Variants in MRPL22 observed in about 807,000 individuals in gnomAD.
MRPL22 encodes the protein large ribosomal subunit protein uL22m.
MRPL22 carries 27 observed loss-of-function variants against 32.4 expected under a neutral mutation model. That is an observed-to-expected ratio of 0.83 (90% CI 0.61 to 1.15). The LOEUF (loss-of-function observed/expected upper bound fraction) is 1.15. Among genes scored for constraint, MRPL22 ranks in the 50% most tolerant of loss-of-function variants. The pLI is 0.00. For synonymous variants in MRPL22, 86 were observed against 87.3 expected, an observed-to-expected ratio of 0.99 and a Z score of 0.08; for missense variants, 239 against 260.2, an observed-to-expected ratio of 0.92 and a Z score of 0.56.
intron 2 of MRPL22, among the ~76,000 whole-genome samples, chr5:154,947,704 A>C (rs1282803790): frequency 6.6e-6 from 1 of 152,190 alleles, no homozygotes. Flanking sequence ...CTTGCCCTTT[A>C]AATGCTCAAC....
In MRPL22 at chr5:154,950,846, A is replaced by G. The variant is rs769724531; in HGVS notation, c.103A>G (p.Thr35Ala). The change falls in exon 3 of 7, where the codon ACA (threonine) becomes GCA (alanine). Residue 35 changes from threonine (T) to alanine (A), a missense_variant. Thr to Ala is a moderately conservative substitution (Grantham distance 58). Transcript: ENST00000523037. Reference protein sequence around the residue: ...LGVLPQSYIHTSASLDISRKW... With the variant: ...LGVLPQSYIHASASLDISRKW... Reference sequence around the variant, plus strand: ...TGTTTTACCTCAATCATATATCCACACAAGTGCTTCTCTTGACATTTCTCG... The same window carrying G: ...TGTTTTACCTCAATCATATATCCACGCAAGTGCTTCTCTTGACATTTCTCG... The G allele has an allele frequency of 1.2e-6, 2 of 1,612,402 alleles. No individual in the cohort carries two copies. Among genetic ancestry groups the G allele is most frequent in the Non-Finnish European group, 1.7e-6 (2 of 1,178,588 alleles).
intron 6 of MRPL22, among the ~76,000 whole-genome samples, chr5:154,964,893 G>C (rs925165721): frequency 3.3e-5 from 5 of 152,168 alleles, no homozygotes; most frequent in African/African-American, 9.6e-5. Context: ...ATGCTTTTTA[G>C]AAGTTTTCTG....
intron 2 of MRPL22, among the ~76,000 whole-genome samples, chr5:154,941,521 A>T (rs950895324): frequency 6.6e-6 from 1 of 152,214 alleles, no homozygotes. Flanking sequence ...ATCTTTCTGG[A>T]CAAGGTTAGA....
chr5:154,961,351 A>C (rs1404834581), intron 6 of MRPL22, among the ~76,000 whole-genome samples: 3 of 152,216 alleles, frequency 2.0e-5, no homozygotes, highest in Admixed American at 2.0e-4. Flanking sequence ...AACCATTGGA[A>C]GGGATGAGGA....
chr5:154,957,460 G>C (rs1431514655), intron 5 of MRPL22, among the ~76,000 whole-genome samples: 1 of 152,052 alleles, frequency 6.6e-6, no homozygotes, highest in Non-Finnish European at 1.5e-5. Context: ...GTTTTTTACT[G>C]CTTATGATGT....
intron 2 of MRPL22, among the ~76,000 whole-genome samples, chr5:154,946,128 G>A (rs1764487184): frequency 6.6e-6 from 1 of 152,178 alleles, no homozygotes; most frequent in African/African-American, 2.4e-5. Context: ...GATTTGAAGA[G>A]CGCAAGGTAC....
At chr5:154,954,451 A>G (rs776631098) in intron 3 of MRPL22, among the ~76,000 whole-genome samples, 18 of 152,138 alleles carry the variant, frequency 1.2e-4, no homozygotes, top group African/African-American at 2.2e-4. Context: ...CACTTTATCT[A>G]ATTTGCTGTA....
chr5:154,957,021 G>A lies in MRPL22; in HGVS notation c.262-114G>A, dbSNP rs867927740. ...ACTTGTTTTCTTCTCTTTTATTTGG[G>A]TTCAATTCACTGTTTTTAGAAGTTA... On this transcript the variant is annotated intron_variant, in intron 4 of 6. Coordinates refer to ENST00000523037, the MANE Select transcript of MRPL22 (RefSeq NM_014180.4). The A allele has an allele frequency of 4.4e-5, 41 of 936,272 alleles. 1 individual carries two copies. Among genetic ancestry groups the A allele is most frequent in the Middle Eastern group, 6.1e-4 (2 of 3,296 alleles). The allele number at this position is 936,272 out of a possible 1,614,324, so 58.0% of individuals were successfully genotyped here.
At chr5:154,944,200 C>T (rs954476149) in intron 2 of MRPL22, among the ~76,000 whole-genome samples, 4 of 152,094 alleles carry the variant, frequency 2.6e-5, no homozygotes, top group Non-Finnish European at 4.4e-5. Context: ...TCAAACGATC[C>T]GCCCGCTTTG....
intron 2 of MRPL22, among the ~76,000 whole-genome samples, chr5:154,945,279 T>C (rs1027228189): frequency 6.6e-5 from 10 of 152,058 alleles, no homozygotes; most frequent in Non-Finnish European, 1.5e-4. Flanking sequence ...TGTTGATGCA[T>C]TGGATGGGAG....
chr5:154,957,601 T>C (rs944114399), intron 5 of MRPL22, among the ~76,000 whole-genome samples: 31 of 150,506 alleles, frequency 2.1e-4, no homozygotes, highest in Non-Finnish European at 3.6e-4. Flanking sequence ...TTTTTGAAGA[T>C]TTTTTTTTTC....
chr5:154,956,421 G>T lies in MRPL22; in HGVS notation c.246G>T (p.Trp82Cys). 6.2e-7 allele frequency: 1 copy of T among 1,608,686 alleles called. No homozygotes were observed. Among genetic ancestry groups the T allele is most frequent in the Non-Finnish European group, 8.5e-7 (1 of 1,175,868 alleles). Residue 82 changes from tryptophan (W) to cysteine (C), a missense_variant, in exon 4 of 7, where the codon TGG (tryptophan) becomes TGT (cysteine). Coordinates refer to ENST00000523037, the MANE Select transcript of MRPL22 (RefSeq NM_014180.4). ...RQIKYSKDKM[W>C]YLAKLIRGMS... ...TAAAATATAGCAAAGACAAGATGTG[G>T]TATTTGGCAAAATTGGTAAGCTGCA... is the stretch of plus-strand genomic sequence containing the variant.
At chr5:154,941,854 T>G (rs999618112) in intron 2 of MRPL22, among the ~76,000 whole-genome samples, 24 of 152,226 alleles carry the variant, frequency 1.6e-4, no homozygotes, top group African/African-American at 5.5e-4. Flanking sequence ...GGGTAAGTAG[T>G]CGCTGTATTT....
Position 154,967,127 on chromosome 5 carries a change from A to C in MRPL22, c.*230A>C. The C allele has an allele frequency of 1.9e-6, 1 of 529,106 alleles. No homozygotes were observed. The allele number at this position is 529,106 out of a possible 1,614,324, so 32.8% of individuals were successfully genotyped here. On this transcript the variant is annotated 3_prime_UTR_variant, in exon 7 of 7. Coordinates refer to ENST00000523037, the MANE Select transcript of MRPL22 (RefSeq NM_014180.4). The surrounding 1 kb of genome is among the most constrained non-coding windows in gnomAD (Gnocchi z 4.7). The stretch of plus-strand genomic sequence containing the variant: ...GGAAATCAGCTTTAAACATAGTAAC[A>C]GACTATATTTCAAAAGGCTTTTGGA...
At chr5:154,961,925 C>T (rs1420414682) in intron 6 of MRPL22, among the ~76,000 whole-genome samples, 1 of 152,174 alleles carries the variant, frequency 6.6e-6, no homozygotes, top group Non-Finnish European at 1.5e-5. Flanking sequence ...TGGCTTCAAG[C>T]AGTCCTACTG....
intron 2 of MRPL22, among the ~76,000 whole-genome samples, chr5:154,945,158 G>C (rs748836957): frequency 1.2e-4 from 18 of 152,178 alleles, no homozygotes; most frequent in Non-Finnish European, 2.4e-4. Flanking sequence ...GATGGAAGCA[G>C]AGACCGTTGG....
At chr5:154,941,291 G>T (rs375714717) in intron 2 of MRPL22, 26 bp downstream of exon 2, 1 of 1,612,364 alleles carries the variant, frequency 6.2e-7, no homozygotes, top group Non-Finnish European at 8.5e-7. Flanking sequence ...CGGAGTTTCG[G>T]AAGGGCCCAA....
At position 154,967,777 on chromosome 5, in the gene MRPL22, C is replaced by G. The variant is rs1016296794; in HGVS notation, c.*880C>G. ...ACAGCCCTAGTCCAACTTTTGCATG[C>G]AAAAGAAGAATCGAGGATGCTTGCT... On this transcript the variant is annotated 3_prime_UTR_variant, in exon 7 of 7. Coordinates refer to ENST00000523037, the MANE Select transcript of MRPL22 (RefSeq NM_014180.4). This position sits in a 1 kb window ranked among gnomAD's most constrained non-coding sequence, Gnocchi z 4.7. The G allele has an allele frequency of 1.3e-5, 2 of 152,152 alleles. No individual in the cohort carries two copies. Among genetic ancestry groups the G allele is most frequent in the Non-Finnish European group, 2.9e-5 (2 of 68,018 alleles). The allele number at this position is 152,152 out of a possible 1,614,324, so 9.4% of individuals were successfully genotyped here.
chr5:154,961,947 C>T (rs1436050782), intron 6 of MRPL22, among the ~76,000 whole-genome samples: 1 of 152,154 alleles, frequency 6.6e-6, no homozygotes, highest in Admixed American at 6.5e-5. Flanking sequence ...CTCAGCCTCC[C>T]AAAGTGTTAG....
Sources: gnomAD v4.1 joint callset for allele counts (sites outside exome capture counted in the v4.1 genomes callset) on GRCh38, gnomAD v4.1.1 for gene constraint, Gnocchi (gnomAD v3.1) non-coding constraint, MANE v1.5 for transcripts, NCBI Gene and HGNC (gene_info 2026-07-23, HGNC 2026-07-21) for gene names.